POLR3B: variants seen among roughly 807,000 people sequenced by gnomAD.
POLR3B encodes the protein RNA polymerase III subunit B.
A neutral mutation model predicts 147.4 loss-of-function variants in POLR3B; 96 were observed. The ratio of observed to expected loss-of-function variants is 0.65; its 90% CI spans 0.55 to 0.77. The LOEUF (loss-of-function observed/expected upper bound fraction) is 0.77, where lower values mean the gene tolerates loss of function less well. POLR3B is among the 30% of genes least tolerant of loss of function. POLR3B has a pLI of 0.00. For missense variants in POLR3B, 1,036 were observed against 1,413.5 expected (o/e 0.73, Z 4.28); for synonymous variants, 461 against 485.9 (o/e 0.95, Z 0.67).
chr12:106,432,361 C>A lies in POLR3B; in HGVS notation c.1508C>A (p.Thr503Lys), dbSNP rs267608683. 1 of 1,613,728 alleles carries A rather than the reference C, an allele frequency of 6.2e-7. No homozygotes were observed. Among genetic ancestry groups the A allele is most frequent in the South Asian group, 1.1e-5 (1 of 91,074 alleles). Residue 503 changes from threonine to lysine, a missense_variant, in exon 15 of 28, where the codon ACA becomes AAA. By Grantham distance (78) the Thr-to-Lys change is moderately conservative. This residue lies in a region of POLR3B where 177 missense variants were observed against 232.7 expected (regional missense o/e 0.76). Coordinates refer to ENST00000228347, the MANE Select transcript of POLR3B (RefSeq NM_018082.6). ...VKNLALMTHI[T>K]TDMEDGPIVK... The stretch of plus-strand genomic sequence containing the variant: ...AACTTGGCCCTTATGACACACATCA[C>A]AACTGATATGGAAGATGGACCCATT...
At chr12:106,489,010 A>AG (rs1348426855) in intron 23 of POLR3B, among the ~76,000 whole-genome samples, 1 of 151,174 alleles carries the variant, frequency 6.6e-6, no homozygotes, top group African/African-American at 2.4e-5. Context: ...ATGTGGAGAG[A>AG]AAAAAAAAGC....
intron 6 of POLR3B, among the ~76,000 whole-genome samples, chr12:106,373,860 ATTTG>A (rs1326453561): frequency 6.6e-6 from 1 of 152,074 alleles, no homozygotes; most frequent in African/African-American, 2.4e-5. Flanking sequence ...GTTTATTTTT[ATTTG>A]TTTTATATAC....
At chr12:106,398,267 CG>C (rs1343106145) in intron 10 of POLR3B, among the ~76,000 whole-genome samples, 6 of 152,298 alleles carry the variant, frequency 3.9e-5, no homozygotes, top group African/African-American at 1.4e-4. Flanking sequence ...AACTGCAAGG[CG>C]GCAGCGAGGC....
intron 23 of POLR3B, among the ~76,000 whole-genome samples, chr12:106,490,123 C>G (rs1229237708): frequency 6.6e-6 from 1 of 152,162 alleles, no homozygotes; most frequent in East Asian, 1.9e-4. Context: ...CAGTAACCCT[C>G]TGACCTTTCA....
In POLR3B at chr12:106,366,508, C is replaced by G. The variant is rs1185276775; in HGVS notation, c.106-8C>G. 1.3e-6 allele frequency: 2 copies of G among 1,596,518 alleles called. No individual in the cohort carries two copies. The highest frequency in any genetic ancestry group is 2.7e-5 in the African/African-American group (2 of 74,570). The stretch of plus-strand genomic sequence containing the variant: ...TAACCTGTTTACTTTCTCTTTCTAT[C>G]TGTTTAGGTGAAAGGCCTTGTGAAA... On this transcript the variant is annotated splice_polypyrimidine_tract_variant and splice_region_variant and intron_variant, in intron 2 of 27. Transcript: ENST00000228347.
At chr12:106,474,594 G>A (rs1374370253) in intron 23 of POLR3B, among the ~76,000 whole-genome samples, 3 of 148,086 alleles carry the variant, frequency 2.0e-5, no homozygotes, top group Admixed American at 6.8e-5. Context: ...TTAGTCTTGG[G>A]AGAGTGTAGG....
At chr12:106,410,712 C>A in intron 11 of POLR3B, 114 bp from the exon 12 acceptor site, 3 of 896,464 alleles carry the variant, frequency 3.3e-6, no homozygotes, top group South Asian at 1.4e-5. Context: ...TGGAGAGAAT[C>A]ATAACAATTC....
At chr12:106,499,376 C>A (rs1310291384) in intron 25 of POLR3B, among the ~76,000 whole-genome samples, 1 of 152,238 alleles carries the variant, frequency 6.6e-6, no homozygotes, top group Non-Finnish European at 1.5e-5. Context: ...CCAGTCCACA[C>A]TGCCTTCCCC....
Position 106,454,490 on chromosome 12 carries a change from A to C in POLR3B, c.2084-12A>C. On this transcript the variant is annotated splice_polypyrimidine_tract_variant and intron_variant, in intron 19 of 27. Coordinates refer to ENST00000228347, the MANE Select transcript of POLR3B (RefSeq NM_018082.6). The stretch of plus-strand genomic sequence containing the variant: ...AGAATGTTGTATTTTGTTTTCTCCC[A>C]TATCAATGCAGGTACTATAGGATAC... 7.5e-7 allele frequency: 1 copy of C among 1,338,724 alleles called. No homozygotes were observed. The highest frequency in any genetic ancestry group is 1.9e-4 in the Middle Eastern group (1 of 5,250). The allele number at this position is 1,338,724 out of a possible 1,614,324, so 82.9% of individuals were successfully genotyped here. A position where few individuals can be genotyped will look rare whatever the true frequency, so the allele number is the denominator to read the frequency against.
intron 9 of POLR3B, among the ~76,000 whole-genome samples, chr12:106,381,494 T>C (rs1443288178): frequency 6.6e-6 from 1 of 152,234 alleles, no homozygotes; most frequent in African/African-American, 2.4e-5. Flanking sequence ...CTTTTTCTGC[T>C]CATCCTTAGG....
In POLR3B at chr12:106,357,773, G is replaced by A. The variant is rs2036404451; in HGVS notation, c.-107G>A. 3.6e-6 allele frequency: 4 copies of A among 1,103,046 alleles called. No homozygotes were observed. Among genetic ancestry groups the A allele is most frequent in the Non-Finnish European group, 4.1e-6 (3 of 740,660 alleles). The allele number at this position is 1,103,046 out of a possible 1,614,324, so 68.3% of individuals were successfully genotyped here. A position where few individuals can be genotyped will look rare whatever the true frequency, so the allele number is the denominator to read the frequency against. ...GTCTCTAGCTAACACGCACGGCGGGGACAGTTTAGGCCTCCGCGCACCGTT... is the reference window on the plus strand; with the variant it reads ...GTCTCTAGCTAACACGCACGGCGGGAACAGTTTAGGCCTCCGCGCACCGTT... On this transcript the variant is annotated 5_prime_UTR_variant, in exon 1 of 28. Coordinates refer to ENST00000228347, the MANE Select transcript of POLR3B (RefSeq NM_018082.6).
chr12:106,424,318 T>C (rs2037409453), intron 12 of POLR3B, among the ~76,000 whole-genome samples: 1 of 152,208 alleles, frequency 6.6e-6, no homozygotes, highest in Non-Finnish European at 1.5e-5. Context: ...CCTGTATGTC[T>C]GATTTTATCC....
At chr12:106,463,722 A>C in intron 23 of POLR3B, 102 bp downstream of exon 23, 2 of 905,932 alleles carry the variant, frequency 2.2e-6, no homozygotes. Context: ...ACTTTGGAAA[A>C]GTATTACATT....
chr12:106,376,978 T>G (rs1398068403), intron 7 of POLR3B, among the ~76,000 whole-genome samples: 1 of 152,214 alleles, frequency 6.6e-6, no homozygotes, highest in East Asian at 1.9e-4. Flanking sequence ...TGACACATTC[T>G]TGTTTATTGC....
chr12:106,435,642 A>G (rs1349345401), intron 16 of POLR3B, among the ~76,000 whole-genome samples: 1 of 152,090 alleles, frequency 6.6e-6, no homozygotes, highest in African/African-American at 2.4e-5. Flanking sequence ...TGTAAAATGG[A>G]AACAATAATG....
At chr12:106,441,059 C>T (rs1226318327) in intron 18 of POLR3B, among the ~76,000 whole-genome samples, 4 of 152,162 alleles carry the variant, frequency 2.6e-5, no homozygotes, top group East Asian at 1.9e-4. Context: ...CAGAAGTTGC[C>T]GATGCTAATA....
At chr12:106,478,382 CAG>C (rs1015346000) in intron 23 of POLR3B, among the ~76,000 whole-genome samples, 41 of 152,164 alleles carry the variant, frequency 2.7e-4, no homozygotes, top group Admixed American at 8.5e-4. Context: ...TGATCTGAAA[CAG>C]CAGATTTTAG....
chr12:106,399,210 TG>T (rs1262835204), intron 10 of POLR3B, among the ~76,000 whole-genome samples: 1 of 151,956 alleles, frequency 6.6e-6, no homozygotes, highest in African/African-American at 2.4e-5. Flanking sequence ...CCGATGCAAC[TG>T]GAAGAAAGGC....
chr12:106,424,262 GT>G (rs1197299692), intron 12 of POLR3B, among the ~76,000 whole-genome samples: 1 of 152,120 alleles, frequency 6.6e-6, no homozygotes, highest in Non-Finnish European at 1.5e-5. Flanking sequence ...GTTTGGTTTA[GT>G]TTTTGGGACT....
Sources: allele counts gnomAD v4.1 joint callset (sites outside exome capture counted in the v4.1 genomes callset), GRCh38; gene constraint gnomAD v4.1.1; regional missense constraint gnomAD v4.1.1; transcripts MANE v1.5; gene names NCBI Gene and HGNC (gene_info 2026-07-23, HGNC 2026-07-21).